Variants in NINL observed in about 807,000 individuals in gnomAD.
NINL encodes the protein ninein like, also known as ninein-like protein.
A neutral mutation model predicts 160.3 loss-of-function variants in NINL; 153 were observed. That is an observed-to-expected ratio of 0.95 (90% CI 0.84 to 1.09). The LOEUF (loss-of-function observed/expected upper bound fraction) is 1.09. Ranked by LOEUF, NINL falls within the 50% of genes least tolerant of loss-of-function variation. The pLI is 0.00. For synonymous variants in NINL, 800 were observed against 734.8 expected, an observed-to-expected ratio of 1.09 and a Z score of -1.43; for missense variants, 1,829 against 1,764.0, an observed-to-expected ratio of 1.04 and a Z score of -0.66.
chr20:25,571,910 C>CA (rs1187181788), intron 1 of NINL, among the ~76,000 whole-genome samples: 2 of 124,012 alleles, frequency 1.6e-5, no homozygotes, highest in East Asian at 4.6e-4. Flanking sequence ...TTTAGCTCAG[C>CA]AAAAAATCAA....
intron 11 of NINL, among the ~76,000 whole-genome samples, chr20:25,490,329 G>C (rs751433922): frequency 1.1e-4 from 17 of 152,218 alleles, no homozygotes; most frequent in Admixed American, 1.1e-3. Flanking sequence ...GGGAGGCCGA[G>C]GCGGGCGGAT....
At chr20:25,558,213 CTTTAT>C (rs1371619856) in intron 1 of NINL, among the ~76,000 whole-genome samples, 1 of 152,060 alleles carries the variant, frequency 6.6e-6, no homozygotes, top group Non-Finnish European at 1.5e-5. Flanking sequence ...TTATTTATTT[CTTTAT>C]TTATTTTGAG....
At chr20:25,576,644 T>C (rs1244386394) in intron 1 of NINL, among the ~76,000 whole-genome samples, 1 of 151,760 alleles carries the variant, frequency 6.6e-6, no homozygotes, top group Admixed American at 6.6e-5. Context: ...TTTTTTTTGG[T>C]AGAGATGGGG....
chr20:25,493,434 C>T (rs1049145053), intron 10 of NINL, among the ~76,000 whole-genome samples: 1 of 152,148 alleles, frequency 6.6e-6, no homozygotes, highest in African/African-American at 2.4e-5. Context: ...GAGCTTACAA[C>T]AGAGCCGTCA....
intron 1 of NINL, among the ~76,000 whole-genome samples, chr20:25,556,263 G>C (rs2064865399): frequency 3.9e-5 from 6 of 151,988 alleles, no homozygotes; most frequent in African/African-American, 1.4e-4. Flanking sequence ...TAGCCTGGGT[G>C]ACAGAGCAAG....
chr20:25,536,538 C>A (rs986316344), intron 1 of NINL, among the ~76,000 whole-genome samples: 1 of 152,178 alleles, frequency 6.6e-6, no homozygotes, highest in Non-Finnish European at 1.5e-5. Context: ...TGGTGAAATC[C>A]TGTCTCTACA....
chr20:25,554,951 G>A (rs1269776668), intron 1 of NINL, among the ~76,000 whole-genome samples: 1 of 152,104 alleles, frequency 6.6e-6, no homozygotes, highest in Non-Finnish European at 1.5e-5. Context: ...TTGATTGTGT[G>A]CCAATATATT....
At chr20:25,558,610 T>C (rs2064897137) in intron 1 of NINL, among the ~76,000 whole-genome samples, 1 of 152,268 alleles carries the variant, frequency 6.6e-6, no homozygotes, top group Admixed American at 6.5e-5. Flanking sequence ...TTTTCCTTCT[T>C]GACCAACTTT....
chr20:25,571,528 G>C (rs1042685297), intron 1 of NINL, among the ~76,000 whole-genome samples: 3 of 152,176 alleles, frequency 2.0e-5, no homozygotes, highest in Non-Finnish European at 4.4e-5. Context: ...AGTCCAGAGA[G>C]AAGGAAAACA....
At chr20:25,489,357 G>A in intron 12 of NINL, 33 bp from the exon 13 acceptor site, 1 of 1,599,918 alleles carries the variant, frequency 6.3e-7, no homozygotes, top group Non-Finnish European at 8.5e-7. Context: ...GTCACGGGTG[G>A]GCCTCGGGCC....
Position 25,503,905 on chromosome 20 carries a change from G to C in NINL, c.861+47C>G, listed in dbSNP as rs768600700. The C allele has an allele frequency of 1.2e-5, 20 of 1,610,424 alleles. No individual in the cohort carries two copies. In the Admixed American group the frequency reaches 2.3e-4, roughly 19 times the overall value. ...AGTCAGCAGTTTTAGTCACCAGAGA[G>C]TGACAGCAGTGGTTGCTGGGTTCAG... On this transcript the variant is annotated intron_variant, in intron 7 of 23. Coordinates refer to ENST00000278886, the MANE Select transcript of NINL (RefSeq NM_025176.6).
rs1252417540 is a variant in NINL at position 25,458,863 on chromosome 20, C to T, written c.3697-334G>A. On this transcript the variant is annotated intron_variant, in intron 21 of 23. Coordinates refer to ENST00000278886, the MANE Select transcript of NINL (RefSeq NM_025176.6). ...CTGGGGCCTGATTCTTTTCAAACAA[C>T]GACCACGCCAGTTCTCCTTTCAGCG... 3 of 284,072 alleles carry T rather than the reference C, an allele frequency of 1.1e-5. No individual in the cohort carries two copies. The South Asian group carries it at 2.1e-4, about 20-fold the overall frequency. 17.6% of individuals were successfully genotyped at this position (284,072 alleles called of 1,614,324 possible).
In NINL at chr20:25,561,601, C is replaced by T. The variant is rs532580947; in HGVS notation, c.-12+23854G>A. 1.7e-3 allele frequency among the ~76,000 whole-genome samples: 260 copies of T among 152,066 alleles called. 3 individuals are homozygous for T. Among genetic ancestry groups the T allele is most frequent in the African/African-American group, 5.7e-3 (237 of 41,474 alleles). ...CTAGGAAGTGAGGAGCACCTCTTCC[C>T]GGCCACCATCCCATCTAGGAAGTGA... On this transcript the variant is annotated intron_variant, in intron 1 of 23. Transcript: ENST00000278886.
intron 1 of NINL, among the ~76,000 whole-genome samples, chr20:25,573,376 C>T (rs1366707456): frequency 6.6e-6 from 1 of 152,102 alleles, no homozygotes; most frequent in Non-Finnish European, 1.5e-5. Flanking sequence ...CAGTCTACCC[C>T]TTTTCTCATG....
At chr20:25,484,382 C>T (rs925439265) in intron 13 of NINL, among the ~76,000 whole-genome samples, 2 of 152,162 alleles carry the variant, frequency 1.3e-5, no homozygotes, top group Non-Finnish European at 2.9e-5. Flanking sequence ...GATCCTGTCT[C>T]TAAAACCATT....
intron 18 of NINL, among the ~76,000 whole-genome samples, chr20:25,468,251 CCCG>C (rs2062966781): frequency 1.3e-5 from 2 of 152,010 alleles, no homozygotes; most frequent in Non-Finnish European, 2.9e-5. Flanking sequence ...CTGCTCTGTC[CCCG>C]CCAACTCTCA....
intron 1 of NINL, among the ~76,000 whole-genome samples, chr20:25,564,805 TAA>T (rs11411276): frequency 1.3e-3 from 185 of 142,804 alleles, no homozygotes; most frequent in African/African-American, 4.5e-3. Context: ...TCCCCACAAT[TAA>T]AAAAAAAAAA....
rs115168225 is a variant in NINL, at chr20:25,455,736, C to T, written c.3894G>A (p.Ala1298=). The change falls in exon 23 of 24, where the codon GCG becomes GCA. Residue 1298 remains alanine, a synonymous_variant. Transcript: ENST00000278886. ...TTTCCATATTCTTCAGAATCATCTCCGCCTCTTCCACCCGCTCTTCTGTGG... is the reference window on the plus strand; with the variant it reads ...TTTCCATATTCTTCAGAATCATCTCTGCCTCTTCCACCCGCTCTTCTGTGG... ...LKATEERVEE[A]EMILKNMEML... 3,911 of 1,614,126 alleles carry T rather than the reference C, an allele frequency of 2.4e-3. 50 individuals carry two copies. The African/African-American group carries it at 0.035, about 15-fold the overall frequency.
Position 25,530,595 on chromosome 20 carries a change from C to T in NINL, c.-11-3997G>A, listed in dbSNP as rs930833446. On this transcript the variant is annotated intron_variant, in intron 1 of 23. Coordinates refer to ENST00000278886, the MANE Select transcript of NINL (RefSeq NM_025176.6). ...TTTTCTATTTTCCCTAAGCATCGGC[C>T]GGTTTGAGAAATAAAGGGACAGAGT... 6.6e-5 allele frequency among the ~76,000 whole-genome samples: 10 copies of T among 151,898 alleles called. 1 individual carries two copies. The South Asian group carries it at 8.3e-4, about 13-fold the overall frequency.
Sources: allele counts gnomAD v4.1 joint callset (sites outside exome capture counted in the v4.1 genomes callset), GRCh38; gene constraint gnomAD v4.1.1; transcripts MANE v1.5; gene names NCBI Gene and HGNC (gene_info 2026-07-23, HGNC 2026-07-21).